MRGPRF: variants seen among roughly 807,000 people sequenced by gnomAD.
MRGPRF encodes the protein mas-related G protein-coupled receptor member F.
Under a neutral mutation model 3.3 loss-of-function variants are expected in MRGPRF, and 2 were observed. The observed-to-expected ratio is 0.61, with a 90% CI of 0.25 to 1.92. MRGPRF has a LOEUF of 1.92. MRGPRF is among the 40% of genes most tolerant of loss of function. The pLI, the probability that MRGPRF is intolerant of heterozygous loss-of-function variation, is 0.16. For missense variants in MRGPRF, 500 were observed against 476.0 expected (o/e 1.05, Z -0.47); for synonymous variants, 242 against 222.7 (o/e 1.09, Z -0.77).
In MRGPRF at chr11:69,006,193, C is replaced by A. The variant is rs762684706; in HGVS notation, c.117G>T (p.Ala39=). 1 of 1,613,822 alleles carries A rather than the reference C, an allele frequency of 6.2e-7. No homozygotes were observed. Among genetic ancestry groups the A allele is most frequent in the South Asian group, 1.1e-5 (1 of 91,088 alleles). The part of the protein sequence containing the change: ...SRGFLTIEQI[A]MLPPPAVMNY... The stretch of plus-strand genomic sequence containing the variant: ...TCATGACGGCCGGAGGCGGCAGCAT[C>A]GCGATCTGCTCGATGGTCAGGAAGC... The change falls in exon 3 of 3, where the codon GCG becomes GCT. Residue 39 remains alanine, a synonymous_variant. Coordinates refer to ENST00000309099, the MANE Select transcript of MRGPRF (RefSeq NM_145015.5).
Position 69,006,209 on chromosome 11 carries a change from G to T in MRGPRF, c.101C>A (p.Thr34Asn), listed in dbSNP as rs747603619. The T allele has an allele frequency of 2.5e-6, 4 of 1,613,626 alleles. No individual in the cohort carries two copies. Among genetic ancestry groups the T allele is most frequent in the Non-Finnish European group, 3.4e-6 (4 of 1,180,036 alleles). The change falls in exon 3 of 3, where the codon ACC becomes AAC. Residue 34 changes from threonine to asparagine, a missense_variant. Thr to Asn is a moderately conservative substitution (Grantham distance 65). Coordinates refer to ENST00000309099, the MANE Select transcript of MRGPRF (RefSeq NM_145015.5). The stretch of plus-strand genomic sequence containing the variant: ...CGGCAGCATCGCGATCTGCTCGATG[G>T]TCAGGAAGCCCCGGCTGTAGAGTTC... ...APELYSRGFL[T>N]IEQIAMLPPP...
At chr11:69,006,306 C>CA in intron 2 of MRGPRF, 45 bp from the exon 3 acceptor site, 2 of 1,549,522 alleles carry the variant, frequency 1.3e-6, no homozygotes, top group Non-Finnish European at 1.7e-6. Flanking sequence ...GGCTGGCCCC[C>CA]ACCCACAGAC....
At chr11:69,012,273 C>T (rs1860613523) in intron 1 of MRGPRF, 1 of 152,386 alleles carries the variant, frequency 6.6e-6, no homozygotes, top group Non-Finnish European at 1.5e-5. Flanking sequence ...GCAGGAAGCT[C>T]CTCCTCTCCC....
At chr11:69,006,391 G>A in intron 2 of MRGPRF, 130 bp from the exon 3 acceptor site, 1 of 1,165,976 alleles carries the variant, frequency 8.6e-7, no homozygotes, top group Non-Finnish European at 1.2e-6. Flanking sequence ...GGTCTGTAAG[G>A]CAGTGGCTGT....
intron 1 of MRGPRF, among the ~76,000 whole-genome samples, chr11:69,011,688 CCCCAAGCTCT>C (rs1860600606): frequency 6.6e-6 from 1 of 152,204 alleles, no homozygotes; most frequent in Admixed American, 6.5e-5. Context: ...GGTAAGAGCC[CCCCAAGCTCT>C]CTCCATTGCC....
intron 1 of MRGPRF, among the ~76,000 whole-genome samples, chr11:69,011,358 G>A (rs964726462): frequency 2.5e-4 from 38 of 152,180 alleles, no homozygotes; most frequent in Admixed American, 2.4e-3. Flanking sequence ...CTGCCAGACC[G>A]CGCCGCTCTG....
At chr11:69,011,356 CCG>C (rs919481700) in intron 1 of MRGPRF, among the ~76,000 whole-genome samples, 1 of 152,214 alleles carries the variant, frequency 6.6e-6, no homozygotes, top group Non-Finnish European at 1.5e-5. Flanking sequence ...CGCTGCCAGA[CCG>C]CGCCGCTCTG....
intron 2 of MRGPRF, among the ~76,000 whole-genome samples, chr11:69,006,728 A>G (rs1046252321): frequency 6.8e-5 from 10 of 147,086 alleles, no homozygotes; most frequent in African/African-American, 2.5e-4. Flanking sequence ...GGTTCAAGCG[A>G]TTCTCCTGCC....
At chr11:69,006,621 T>G (rs923605182) in intron 2 of MRGPRF, among the ~76,000 whole-genome samples, 9 of 106,910 alleles carry the variant, frequency 8.4e-5, no homozygotes, top group Admixed American at 7.4e-4. Flanking sequence ...GCCTTTCCCT[T>G]TTTTTTTTTT....
At chr11:69,011,948 G>A (rs574350453) in intron 1 of MRGPRF, among the ~76,000 whole-genome samples, 1 of 152,362 alleles carries the variant, frequency 6.6e-6, no homozygotes, top group South Asian at 2.1e-4. Context: ...TCCATTATGT[G>A]GGTGTCCCTG....
At chr11:69,010,189 G>A (rs966325635) in intron 1 of MRGPRF, among the ~76,000 whole-genome samples, 3 of 152,240 alleles carry the variant, frequency 2.0e-5, no homozygotes, top group African/African-American at 4.8e-5. Flanking sequence ...CAGCCCCACC[G>A]CAGCTCACTG....
At chr11:69,006,677 G>A (rs2154012589) in intron 2 of MRGPRF, among the ~76,000 whole-genome samples, 1 of 140,980 alleles carries the variant, frequency 7.1e-6, no homozygotes, top group East Asian at 2.2e-4. Context: ...GCTGGAGCGT[G>A]CAGTGGCACG....
chr11:69,008,302 A>ACAGT (rs1238167214), intron 2 of MRGPRF, among the ~76,000 whole-genome samples: 1 of 152,194 alleles, frequency 6.6e-6, no homozygotes, highest in Non-Finnish European at 1.5e-5. Flanking sequence ...TGCCCGGAGA[A>ACAGT]CAGTCACTCC....
chr11:69,005,318 A>G lies in MRGPRF; in HGVS notation c.992T>C (p.Val331Ala), dbSNP rs1310161824. ...CGGGGGACACTGCATCTCCATGGTG[A>G]CTGTGTTGGGCGTGCTGCCCCCGGC... is the stretch of plus-strand genomic sequence containing the variant. ...GEAGGSTPNT[V>A]TMEMQCPPGN... is the part of the protein sequence containing the mutation. Residue 331 changes from valine to alanine, a missense_variant, in exon 3 of 3, where the codon GTC (valine) becomes GCC (alanine). Transcript: ENST00000309099. The G allele has an allele frequency of 6.5e-7, 1 of 1,543,082 alleles. No individual in the cohort carries two copies. The highest frequency in any genetic ancestry group is 2.4e-5 in the East Asian group (1 of 42,124).
intron 2 of MRGPRF, among the ~76,000 whole-genome samples, chr11:69,008,907 G>C (rs1860539054): frequency 6.6e-6 from 1 of 152,338 alleles, no homozygotes; most frequent in East Asian, 1.9e-4. Flanking sequence ...AGTCAGAGGG[G>C]GAGGCCGGGT....
chr11:69,010,283 C>A (rs1467668860), intron 1 of MRGPRF, among the ~76,000 whole-genome samples: 1 of 152,234 alleles, frequency 6.6e-6, no homozygotes, highest in Non-Finnish European at 1.5e-5. Context: ...CTTCCCCACA[C>A]ACATTTTTGG....
At chr11:69,010,341 C>A (rs1289771117) in intron 1 of MRGPRF, among the ~76,000 whole-genome samples, 1 of 152,258 alleles carries the variant, frequency 6.6e-6, no homozygotes, top group Non-Finnish European at 1.5e-5. Context: ...GGTTTCCCAG[C>A]AATCGGTCCC....
At chr11:69,011,559 T>C (rs1014173987) in intron 1 of MRGPRF, among the ~76,000 whole-genome samples, 2 of 152,158 alleles carry the variant, frequency 1.3e-5, no homozygotes, top group Non-Finnish European at 2.9e-5. Flanking sequence ...TGGACTCCAG[T>C]TGGGCCATTG....
At position 69,005,751 on chromosome 11, in the gene MRGPRF, G is replaced by A. The variant is rs747025281; in HGVS notation, c.559C>T (p.Arg187Cys). The change falls in exon 3 of 3, where the codon CGC becomes TGC. Residue 187 changes from arginine (R) to cysteine (C), a missense_variant. Transcript: ENST00000309099. ...LHNYFCVFLG[R>C]GAPGAACRHM... ...CTGCAGGCCGCGCCGGGGGCCCCGCGGCCCAGGAACACGCAGAAGTAGTTG... is the reference window on the plus strand; with the variant it reads ...CTGCAGGCCGCGCCGGGGGCCCCGCAGCCCAGGAACACGCAGAAGTAGTTG... The A allele has an allele frequency of 1.3e-4, 203 of 1,549,230 alleles. No individual in the cohort carries two copies. The highest frequency in any genetic ancestry group is 1.5e-4 in the Non-Finnish European group (176 of 1,146,328).
Sources: gnomAD v4.1 joint callset for allele counts (sites outside exome capture counted in the v4.1 genomes callset) on GRCh38, gnomAD v4.1.1 for gene constraint, MANE v1.5 for transcripts, NCBI Gene and HGNC (gene_info 2026-07-23, HGNC 2026-07-21) for gene names.